Variants in FAM151B observed in about 807,000 individuals in gnomAD.
FAM151B encodes protein FAM151B.
FAM151B carries 24 observed loss-of-function variants against 31.2 expected under a neutral mutation model. The ratio of observed to expected loss-of-function variants is 0.77; its 90% CI spans 0.56 to 1.08. The LOEUF is 1.08. Among genes scored for constraint, FAM151B ranks in the 50% least tolerant of loss-of-function variants. FAM151B has a pLI of 0.00. For missense variants in FAM151B, 293 were observed against 328.6 expected, an observed-to-expected ratio of 0.89 and a Z score of 0.84; for synonymous variants, 105 against 111.4, an observed-to-expected ratio of 0.94 and a Z score of 0.36.
chr5:80,510,743 A>G (rs1744147350), intron 2 of FAM151B: 1 of 152,242 alleles, frequency 6.6e-6, no homozygotes, highest in Non-Finnish European at 1.5e-5. Flanking sequence ...AACTCAGATG[A>G]GTGGATTGGT....
intron 2 of FAM151B, among the ~76,000 whole-genome samples, chr5:80,502,551 A>C (rs1311128602): frequency 6.6e-6 from 1 of 152,184 alleles, no homozygotes; most frequent in Non-Finnish European, 1.5e-5. Flanking sequence ...TCAACCTGTA[A>C]TCATTGTATG....
chr5:80,516,683 T>TA (rs1417963157), intron 3 of FAM151B, among the ~76,000 whole-genome samples: 9 of 152,228 alleles, frequency 5.9e-5, no homozygotes, highest in Admixed American at 2.0e-4. Flanking sequence ...GGTACTTCCT[T>TA]ATGGAAACTT....
At chr5:80,528,974 C>G (rs1745101835) in intron 5 of FAM151B, among the ~76,000 whole-genome samples, 1 of 152,052 alleles carries the variant, frequency 6.6e-6, no homozygotes, top group Non-Finnish European at 1.5e-5. Context: ...CAAAATTGAC[C>G]ACATAGTTGG....
chr5:80,501,354 TG>T, intron 1 of FAM151B: 2 of 1,266,866 alleles, frequency 1.6e-6, no homozygotes, highest in Non-Finnish European at 2.2e-6. Context: ...GTGGAGATGC[TG>T]GCAACAGGGA....
rs1049403663 is a variant in FAM151B, at chr5:80,494,186, C to T, written c.25+6038C>T. On this transcript the variant is annotated intron_variant, in intron 1 of 5. Transcript: ENST00000282226. ...CATTCCCTTAAGCCAAAGCCTAATC[C>T]AGAGTAAGGCCCTAACTCTCATCAA... Among the ~76,000 whole-genome samples, 5 of 152,160 alleles carry T rather than the reference C, an allele frequency of 3.3e-5. No homozygotes were observed. The South Asian group carries it at 1.0e-3, about 32-fold the overall frequency.
chr5:80,511,945 A>G (rs1020017712), intron 2 of FAM151B, among the ~76,000 whole-genome samples: 1 of 152,156 alleles, frequency 6.6e-6, no homozygotes, highest in Non-Finnish European at 1.5e-5. Flanking sequence ...GTTTTTTATA[A>G]TTCACTATGC....
In FAM151B at chr5:80,538,448, CTCTTTCTTTCTTTCTTTCTT is replaced by C. The variant is rs776089650; in HGVS notation, c.672-3206_672-3187del. On this transcript the variant is annotated intron_variant, in intron 5 of 5. Coordinates refer to ENST00000282226, the MANE Select transcript of FAM151B (RefSeq NM_205548.3). ...TCTTTCTTTCTTTCTTTCTTTCTTTCTCTTTCTTTCTTTCTTTCTTTCTTTCTTTCTTTCTTTCCTTCCTT... is the reference window on the plus strand; with the variant it reads ...TCTTTCTTTCTTTCTTTCTTTCTTTCTCTTTCTTTCTTTCTTTCCTTCCTT... 1.6e-4 allele frequency among the ~76,000 whole-genome samples: 8 copies of C among 49,346 alleles called. 1 individual carries two copies. The highest frequency in any genetic ancestry group is 6.9e-4 in the African/African-American group (7 of 10,164). 32.4% of individuals were successfully genotyped at this position (49,346 alleles called of 152,430 possible). A position where few individuals can be genotyped will look rare whatever the true frequency, so the allele number is the denominator to read the frequency against.
intron 2 of FAM151B, chr5:80,506,053 G>C (rs1743947072): frequency 1.0e-6 from 1 of 986,104 alleles, no homozygotes; most frequent in South Asian, 4.7e-5. Flanking sequence ...ACCACGCCCG[G>C]CCAAGAACTT....
At chr5:80,520,494 A>G (rs1407016893) in intron 4 of FAM151B, among the ~76,000 whole-genome samples, 2 of 151,742 alleles carry the variant, frequency 1.3e-5, no homozygotes, top group Admixed American at 1.3e-4. Context: ...AAAATACAAA[A>G]GTTAGCCAGG....
chr5:80,525,135 C>T (rs1744902216), intron 5 of FAM151B, among the ~76,000 whole-genome samples: 1 of 152,144 alleles, frequency 6.6e-6, no homozygotes, highest in Non-Finnish European at 1.5e-5. Context: ...CCTCAATCAC[C>T]TTGTGATGTG....
chr5:80,513,753 A>G lies in FAM151B; in HGVS notation c.301A>G (p.Lys101Glu). The change falls in exon 3 of 6, where the codon AAG (lysine) becomes GAG (glutamate). Residue 101 changes from lysine (K) to glutamate (E), a missense_variant. Physicochemically the swap from Lys to Glu is moderately conservative, Grantham distance 56. Transcript: ENST00000282226. ...AGTTATGAAAAGCAATAAAGGCATC[A>G]AGCTGGATTTCAAAAGGTATTTGTA... ...TEVMKSNKGI[K>E]LDFKSLAVVE... 1 of 1,610,614 alleles carries G rather than the reference A, an allele frequency of 6.2e-7. No homozygotes were observed. The highest frequency in any genetic ancestry group is 8.5e-7 in the Non-Finnish European group (1 of 1,179,118).
At chr5:80,512,040 A>AT (rs1471091693) in intron 2 of FAM151B, among the ~76,000 whole-genome samples, 4 of 151,984 alleles carry the variant, frequency 2.6e-5, no homozygotes, top group Admixed American at 6.6e-5. Context: ...TGTTTTATGC[A>AT]TTTTTTTCAA....
chr5:80,494,452 TTTCTTTTCTTTCTTTCTTTC>T (rs1743432827), intron 1 of FAM151B, among the ~76,000 whole-genome samples: 1 of 44,362 alleles, frequency 2.3e-5, no homozygotes, highest in Non-Finnish European at 6.1e-5. Flanking sequence ...TTTTTCTTTC[TTTCTTTTCTTTCTTTCTTTC>T]TTTCTTTCTT....
At chr5:80,511,299 TCA>T in intron 2 of FAM151B, among the ~76,000 whole-genome samples, 1 of 151,906 alleles carries the variant, frequency 6.6e-6, no homozygotes, top group African/African-American at 2.4e-5. Flanking sequence ...CAGTGAGACC[TCA>T]TCTCTACTAA....
intron 5 of FAM151B, among the ~76,000 whole-genome samples, chr5:80,527,928 A>G (rs1000827401): frequency 1.3e-5 from 2 of 152,240 alleles, no homozygotes; most frequent in Admixed American, 6.5e-5. Flanking sequence ...CTCTTTAGCA[A>G]TAACACTTGG....
At chr5:80,528,605 A>G (rs1745078983) in intron 5 of FAM151B, among the ~76,000 whole-genome samples, 1 of 152,072 alleles carries the variant, frequency 6.6e-6, no homozygotes, top group East Asian at 1.9e-4. Flanking sequence ...CACACAAAAA[A>G]AATTAGCTGG....
At chr5:80,505,997 C>A in intron 2 of FAM151B, 1 of 735,900 alleles carries the variant, frequency 1.4e-6, no homozygotes, top group Non-Finnish European at 1.7e-6. Flanking sequence ...ACCTCATGAT[C>A]CGCCTGCCTT....
Position 80,541,899 on chromosome 5 carries a change from A to C in FAM151B, c.*67A>C. The C allele has an allele frequency of 6.8e-7, 1 of 1,473,326 alleles. No individual in the cohort carries two copies. The highest frequency in any genetic ancestry group is 1.4e-5 in the African/African-American group (1 of 70,414). 91.3% of individuals were successfully genotyped at this position (1,473,326 alleles called of 1,614,324 possible). A position where few individuals can be genotyped will look rare whatever the true frequency, so the allele number is the denominator to read the frequency against. On this transcript the variant is annotated 3_prime_UTR_variant, in exon 6 of 6. Coordinates refer to ENST00000282226, the MANE Select transcript of FAM151B (RefSeq NM_205548.3). ...TCCTTCTCTCCATTGGTCTGAATTA[A>C]TTACCATATAAATTATGGTTATTGA... is the stretch of plus-strand genomic sequence containing the variant.
intron 5 of FAM151B, among the ~76,000 whole-genome samples, chr5:80,524,980 A>G (rs1744895915): frequency 6.6e-6 from 1 of 152,208 alleles, no homozygotes; most frequent in African/African-American, 2.4e-5. Flanking sequence ...AAATGCATAC[A>G]GGCACTGTTT....
Sources: gnomAD v4.1 joint callset for allele counts (sites outside exome capture counted in the v4.1 genomes callset) on GRCh38, gnomAD v4.1.1 for gene constraint, MANE v1.5 for transcripts, NCBI Gene and HGNC (gene_info 2026-07-23, HGNC 2026-07-21) for gene names.